The following DGKI variants were observed in gnomAD, a reference collection of about 807,000 sequenced individuals.
The protein encoded by DGKI is DAG kinase iota.
A neutral mutation model predicts 147.5 loss-of-function variants in DGKI; 55 were observed. The observed-to-expected ratio is 0.37, with a 90% CI of 0.30 to 0.47. DGKI has a LOEUF of 0.47. DGKI is among the 20% of genes least tolerant of loss of function. The pLI, the probability that DGKI is intolerant of heterozygous loss-of-function variation, is 1.00. For missense variants in DGKI, 1,007 were observed against 1,323.8 expected, an observed-to-expected ratio of 0.76 and a Z score of 3.71; for synonymous variants, 469 against 477.1, an observed-to-expected ratio of 0.98 and a Z score of 0.22.
chr7:137,452,193 G>A (rs1813994394), intron 27 of DGKI, among the ~76,000 whole-genome samples: 1 of 152,164 alleles, frequency 6.6e-6, no homozygotes, highest in South Asian at 2.1e-4. Flanking sequence ...ATAGAGATGG[G>A]CTTAAGATAA....
intron 21 of DGKI, chr7:137,493,699 G>A: frequency 1.4e-6 from 1 of 697,938 alleles, no homozygotes; most frequent in Non-Finnish European, 2.6e-6. Flanking sequence ...CAACTTCAAA[G>A]ACTGAAGGAA....
At chr7:137,696,299 TACAAAATCAGAAAGC>T (rs1373956952) in intron 1 of DGKI, among the ~76,000 whole-genome samples, 5 of 152,086 alleles carry the variant, frequency 3.3e-5, no homozygotes, top group African/African-American at 1.2e-4. Context: ...ATCTTCCTAA[TACAAAATCAGAAAGC>T]ACCGCACACT....
chr7:137,405,004 A>G (rs1811889433), intron 30 of DGKI, among the ~76,000 whole-genome samples: 1 of 152,240 alleles, frequency 6.6e-6, no homozygotes, highest in Middle Eastern at 3.4e-3. Flanking sequence ...GCTTGGATGA[A>G]CGGTGCTTTT....
rs185681548 is a variant in DGKI at position 137,755,456 on chromosome 7, C to A, written c.402-65454G>T. On this transcript the variant is annotated intron_variant, in intron 1 of 32. Coordinates refer to ENST00000614521, the MANE Select transcript of DGKI (RefSeq NM_001321708.2). ...AGAGAATCGAGACAAGTGAGCTTTT[C>A]AGGCTTAAAAATTGCTTCTAGGTCT... Among the ~76,000 whole-genome samples the A allele has an allele frequency of 4.9e-4, 75 of 152,282 alleles. 1 individual carries two copies. The East Asian group carries it at 0.014, about 27-fold the overall frequency.
chr7:137,826,884 C>A (rs928581124), intron 1 of DGKI, among the ~76,000 whole-genome samples: 3 of 152,096 alleles, frequency 2.0e-5, no homozygotes, highest in Non-Finnish European at 2.9e-5. Flanking sequence ...AAACACCATC[C>A]GTTATATTCC....
chr7:137,538,566 T>C (rs1404116563), intron 20 of DGKI, among the ~76,000 whole-genome samples: 1 of 152,214 alleles, frequency 6.6e-6, no homozygotes, highest in African/African-American at 2.4e-5. Flanking sequence ...ACTTAACATA[T>C]GTTAGTTGTA....
chr7:137,536,021 T>G (rs899708590), intron 20 of DGKI, among the ~76,000 whole-genome samples: 1 of 152,190 alleles, frequency 6.6e-6, no homozygotes, highest in Admixed American at 6.6e-5. Context: ...ACACCAAAGA[T>G]TCACACATTT....
At chr7:137,419,787 T>C (rs1258555585) in intron 28 of DGKI, among the ~76,000 whole-genome samples, 1 of 152,226 alleles carries the variant, frequency 6.6e-6, no homozygotes, top group Non-Finnish European at 1.5e-5. Flanking sequence ...GAGGACTTTT[T>C]CACAATCAGT....
chr7:137,578,735 C>T (rs834100), intron 15 of DGKI, among the ~76,000 whole-genome samples: 14,131 of 152,060 alleles, frequency 0.093, 1,618 homozygotes, highest in African/African-American at 0.27. Flanking sequence ...CCAGGGATAT[C>T]GGGCTGAGAT....
rs935383714 is a variant in DGKI, at chr7:137,389,150, G to T, written c.*2070C>A. 1 of 152,004 alleles carries T rather than the reference G, an allele frequency of 6.6e-6. No homozygotes were observed. Among genetic ancestry groups the T allele is most frequent in the Admixed American group, 6.6e-5 (1 of 15,254 alleles). The allele number at this position is 152,004 out of a possible 1,614,324, so 9.4% of individuals were successfully genotyped here. A position where few individuals can be genotyped will look rare whatever the true frequency, so the allele number is the denominator to read the frequency against. ...GTCATCACATTTCCTTGACAGTCCC[G>T]CCAACTAAAAATCCCCCAGCAAAAG... On this transcript the variant is annotated 3_prime_UTR_variant, in exon 33 of 33. Transcript: ENST00000614521.
chr7:137,723,971 G>A (rs958315037), intron 1 of DGKI, among the ~76,000 whole-genome samples: 2 of 151,982 alleles, frequency 1.3e-5, no homozygotes, highest in South Asian at 4.2e-4. Flanking sequence ...GCCTCCCAAA[G>A]TGCTGGGATT....
chr7:137,655,710 T>C (rs1822194374), intron 4 of DGKI, among the ~76,000 whole-genome samples: 1 of 152,226 alleles, frequency 6.6e-6, no homozygotes, highest in Admixed American at 6.5e-5. Flanking sequence ...TAGGATCAAC[T>C]GGTCATGTCA....
chr7:137,650,621 C>T (rs1821991763), intron 5 of DGKI, among the ~76,000 whole-genome samples: 1 of 152,168 alleles, frequency 6.6e-6, no homozygotes, highest in African/African-American at 2.4e-5. Flanking sequence ...ACAGAAAGCT[C>T]TCTCACCCTC....
chr7:137,672,511 G>T (rs1822878719), intron 3 of DGKI, among the ~76,000 whole-genome samples: 3 of 152,156 alleles, frequency 2.0e-5, no homozygotes, highest in Admixed American at 6.5e-5. Flanking sequence ...TGTTCTGTGG[G>T]GAACCCAAAC....
intron 1 of DGKI, among the ~76,000 whole-genome samples, chr7:137,751,747 A>G (rs148823572): frequency 4.6e-5 from 7 of 152,316 alleles, no homozygotes; most frequent in African/African-American, 1.7e-4. Context: ...TTCCTGTGCT[A>G]TTGTAACACA....
chr7:137,425,648 T>C (rs1302732114), intron 28 of DGKI, among the ~76,000 whole-genome samples: 1 of 152,174 alleles, frequency 6.6e-6, no homozygotes, highest in African/African-American at 2.4e-5. Flanking sequence ...TTAAAAACTT[T>C]GAAAAAAATT....
intron 6 of DGKI, among the ~76,000 whole-genome samples, chr7:137,638,630 G>GTATATA (rs1563126007): frequency 0.068 from 275 of 4,026 alleles, 88 homozygotes; most frequent in African/African-American, 0.1. Flanking sequence ...ACATATATAT[G>GTATATA]TGTGTATATA....
chr7:137,722,329 T>C, intron 1 of DGKI: 1 of 1,612,736 alleles, frequency 6.2e-7, no homozygotes, highest in South Asian at 1.1e-5. Flanking sequence ...AATGCCTAGA[T>C]ATTATCCTAC....
chr7:137,639,419 G>A (rs2129005861), intron 6 of DGKI, among the ~76,000 whole-genome samples: 2 of 152,290 alleles, frequency 1.3e-5, no homozygotes. Context: ...TTGCGTACCT[G>A]GAACCTTTTG....
Sources: gnomAD v4.1 joint callset for allele counts (sites outside exome capture counted in the v4.1 genomes callset) on GRCh38, gnomAD v4.1.1 for gene constraint, MANE v1.5 for transcripts, NCBI Gene and HGNC (gene_info 2026-07-23, HGNC 2026-07-21) for gene names.